Variants in PDZD2 observed in about 807,000 individuals in gnomAD.
PDZD2 encodes the protein PDZ domain containing 2, also known as PDZ domain-containing protein 2.
In PDZD2, 90 loss-of-function variants were observed where a neutral mutation model predicts 220.7. The ratio of observed to expected loss-of-function variants is 0.41; its 90% CI spans 0.34 to 0.49. The LOEUF (loss-of-function observed/expected upper bound fraction) is 0.49. Ranked by LOEUF, PDZD2 falls within the 20% of genes least tolerant of loss-of-function variation. The pLI is 0.28. For synonymous variants in PDZD2, 1,375 were observed against 1,450.5 expected, an observed-to-expected ratio of 0.95 and a Z score of 1.18; for missense variants, 3,174 against 3,608.5, an observed-to-expected ratio of 0.88 and a Z score of 3.08.
chr5:31,747,289 A>G (rs965098177), intron 1 of PDZD2, among the ~76,000 whole-genome samples: 3 of 152,228 alleles, frequency 2.0e-5, no homozygotes, highest in Non-Finnish European at 2.9e-5. Flanking sequence ...AAGCATGGAT[A>G]GTCATGGAGA....
At chr5:31,867,983 A>G (rs1034628042) in intron 2 of PDZD2, among the ~76,000 whole-genome samples, 1 of 151,960 alleles carries the variant, frequency 6.6e-6, no homozygotes, top group African/African-American at 2.4e-5. Flanking sequence ...GGGAGTTTTA[A>G]CTGGGGGATC....
intron 2 of PDZD2, among the ~76,000 whole-genome samples, chr5:31,881,715 T>C (rs184900273): frequency 2.1e-4 from 31 of 149,794 alleles, no homozygotes; most frequent in East Asian, 4.0e-4. Context: ...CATATATATA[T>C]ACACACACAT....
chr5:31,856,038 T>C (rs1438799330), intron 2 of PDZD2, among the ~76,000 whole-genome samples: 1 of 152,226 alleles, frequency 6.6e-6, no homozygotes, highest in African/African-American at 2.4e-5. Flanking sequence ...CTGAGTTTGG[T>C]ATCATAAGGG....
chr5:31,715,072 A>G (rs1328825960), intron 1 of PDZD2, among the ~76,000 whole-genome samples: 1 of 149,588 alleles, frequency 6.7e-6, no homozygotes, highest in African/African-American at 2.4e-5. Flanking sequence ...AAAAAAAAAA[A>G]AGAAAGAAAG....
At chr5:31,874,902 A>G (rs1739169858) in intron 2 of PDZD2, among the ~76,000 whole-genome samples, 2 of 152,222 alleles carry the variant, frequency 1.3e-5, no homozygotes, top group South Asian at 4.1e-4. Context: ...AAATTATAAC[A>G]GAAGTCCCCT....
chr5:31,859,847 C>T (rs1374332583), intron 2 of PDZD2, among the ~76,000 whole-genome samples: 1 of 152,158 alleles, frequency 6.6e-6, no homozygotes, highest in Non-Finnish European at 1.5e-5. Flanking sequence ...ACACACTAAC[C>T]TTTCCATACA....
intron 3 of PDZD2, among the ~76,000 whole-genome samples, chr5:31,993,327 C>G (rs12521158): frequency 0.2 from 30,161 of 152,114 alleles, 3,293 homozygotes; most frequent in Admixed American, 0.27. Context: ...ATGGAGGAGA[C>G]AGTTGGCACC....
At chr5:32,077,627 GTTAATC>G in intron 19 of PDZD2, 21 bp downstream of exon 19, 3 of 1,612,702 alleles carry the variant, frequency 1.9e-6, no homozygotes, top group Non-Finnish European at 2.5e-6. Flanking sequence ...TTTCCCATTT[GTTAATC>G]TTAAAGTAGG....
rs187516893 is a variant in PDZD2 at position 31,647,273 on chromosome 5, A to G, written c.-361+7836A>G. Among the ~76,000 whole-genome samples, 5 of 152,346 alleles carry G rather than the reference A, an allele frequency of 3.3e-5. No individual in the cohort carries two copies. The East Asian group carries it at 9.6e-4, about 29-fold the overall frequency. On this transcript the variant is annotated intron_variant, in intron 1 of 24. Coordinates refer to ENST00000438447, the MANE Select transcript of PDZD2 (RefSeq NM_178140.4). Reference sequence around the variant, plus strand: ...TTCACTATTTGGCAGGCACTGTTCTAGACACTTGCCACATACAGCTCATTC... The same window carrying G: ...TTCACTATTTGGCAGGCACTGTTCTGGACACTTGCCACATACAGCTCATTC...
chr5:31,955,198 C>T (rs1474245618), intron 2 of PDZD2, among the ~76,000 whole-genome samples: 1 of 152,050 alleles, frequency 6.6e-6, no homozygotes, highest in African/African-American at 2.4e-5. Flanking sequence ...TATGCGCTGA[C>T]ATTGGGATGA....
In PDZD2 at chr5:31,990,585, G is replaced by A. The variant is rs140629800; in HGVS notation, c.979-4991G>A. On this transcript the variant is annotated intron_variant, in intron 3 of 24. Coordinates refer to ENST00000438447, the MANE Select transcript of PDZD2 (RefSeq NM_178140.4). ...AAACAGACAGATCTCCCATCTGTGT[G>A]AGCTTCTTAACCTCAGTCGCAAGGA... Among the ~76,000 whole-genome samples the A allele has an allele frequency of 2.9e-3, 441 of 152,304 alleles. 3 individuals are homozygous for A. The highest frequency in any genetic ancestry group is 4.7e-3 in the Non-Finnish European group (318 of 68,026).
At chr5:31,721,186 A>G (rs1392312328) in intron 1 of PDZD2, among the ~76,000 whole-genome samples, 5 of 152,206 alleles carry the variant, frequency 3.3e-5, no homozygotes, top group Non-Finnish European at 7.3e-5. Context: ...GAAGCAAGAG[A>G]GGAGCAGCTT....
intron 1 of PDZD2, among the ~76,000 whole-genome samples, chr5:31,656,082 T>C (rs1745537820): frequency 6.6e-6 from 1 of 152,222 alleles, no homozygotes; most frequent in Non-Finnish European, 1.5e-5. Context: ...AGTGTGTTCT[T>C]TGTTAATTTC....
At chr5:32,077,636 A>T (rs947357188) in intron 19 of PDZD2, 30 bp downstream of exon 19, 9 of 1,610,270 alleles carry the variant, frequency 5.6e-6, no homozygotes, top group Non-Finnish European at 7.6e-6. Flanking sequence ...TGTTAATCTT[A>T]AAGTAGGTGG....
intron 2 of PDZD2, among the ~76,000 whole-genome samples, chr5:31,969,061 C>A (rs1368118909): frequency 1.3e-5 from 2 of 152,148 alleles, no homozygotes; most frequent in East Asian, 3.9e-4. Context: ...CCAGGGGATT[C>A]ATGGCCTAAA....
At chr5:31,933,054 A>G (rs563869413) in intron 2 of PDZD2, among the ~76,000 whole-genome samples, 16 of 151,902 alleles carry the variant, frequency 1.1e-4, no homozygotes, top group African/African-American at 3.6e-4. Flanking sequence ...GGGATTACAG[A>G]TGTGTGCCAC....
chr5:31,652,530 C>CT (rs1453295345), intron 1 of PDZD2, among the ~76,000 whole-genome samples: 3 of 152,196 alleles, frequency 2.0e-5, no homozygotes, highest in African/African-American at 7.2e-5. Flanking sequence ...CCCAAATCAA[C>CT]TTTTTTCCTT....
At chr5:31,749,712 G>A (rs1398735368) in intron 1 of PDZD2, among the ~76,000 whole-genome samples, 4 of 152,286 alleles carry the variant, frequency 2.6e-5, no homozygotes, top group Non-Finnish European at 2.9e-5. Context: ...ATGAGCCTCC[G>A]CACCCGGCTG....
At chr5:31,795,595 C>T (rs190788305) in intron 1 of PDZD2, among the ~76,000 whole-genome samples, 7 of 152,304 alleles carry the variant, frequency 4.6e-5, no homozygotes, top group East Asian at 1.9e-4. Flanking sequence ...ACAGACTAGC[C>T]ATCCAGGGAG....
Sources: gnomAD v4.1 joint callset for allele counts (sites outside exome capture counted in the v4.1 genomes callset) on GRCh38, gnomAD v4.1.1 for gene constraint, MANE v1.5 for transcripts, NCBI Gene and HGNC (gene_info 2026-07-23, HGNC 2026-07-21) for gene names.